The following MTHFD1L variants were observed in gnomAD, a reference collection of about 807,000 sequenced individuals.
MTHFD1L encodes the protein methylenetetrahydrofolate dehydrogenase (NADP+ dependent) 1 like, also known as monofunctional C1-tetrahydrofolate synthase, mitochondrial.
A neutral mutation model predicts 119.5 loss-of-function variants in MTHFD1L; 81 were observed. The observed-to-expected ratio is 0.68, with a 90% confidence interval of 0.57 to 0.82. The LOEUF (loss-of-function observed/expected upper bound fraction) is 0.82, where lower values mean the gene tolerates loss of function less well. Ranked by LOEUF, MTHFD1L falls within the 40% of genes least tolerant of loss-of-function variation. The pLI, the probability that MTHFD1L is intolerant of heterozygous loss-of-function variation, is 0.00. For missense variants in MTHFD1L, 1,125 were observed against 1,253.4 expected, an observed-to-expected ratio of 0.90 and a Z score of 1.55; for synonymous variants, 430 against 475.2, an observed-to-expected ratio of 0.90 and a Z score of 1.24.
chr6:150,869,759 C>T (rs1779084709), intron 1 of MTHFD1L, among the ~76,000 whole-genome samples: 1 of 152,126 alleles, frequency 6.6e-6, no homozygotes, highest in Admixed American at 6.5e-5. Context: ...TGTGTGTCAG[C>T]TAGAAGTCAC....
intron 18 of MTHFD1L, among the ~76,000 whole-genome samples, chr6:150,964,599 C>A (rs936830862): frequency 2.0e-5 from 3 of 152,150 alleles, no homozygotes; most frequent in Non-Finnish European, 4.4e-5. Flanking sequence ...CACCTTATTT[C>A]TTTGAGCAAG....
At chr6:151,093,078 G>C (rs1794593624) in intron 27 of MTHFD1L, among the ~76,000 whole-genome samples, 1 of 152,162 alleles carries the variant, frequency 6.6e-6, no homozygotes, top group South Asian at 2.1e-4. Context: ...TAAAACAGTG[G>C]AAAGTTTGAA....
At chr6:150,885,261 A>G (rs1416599612) in intron 5 of MTHFD1L, among the ~76,000 whole-genome samples, 3 of 145,880 alleles carry the variant, frequency 2.1e-5, no homozygotes, top group Non-Finnish European at 3.0e-5. Context: ...CAGTGGCATG[A>G]TCTCAACTCA....
chr6:150,986,410 G>A (rs1361172213), intron 20 of MTHFD1L, among the ~76,000 whole-genome samples: 2 of 152,186 alleles, frequency 1.3e-5, no homozygotes, highest in Non-Finnish European at 2.9e-5. Flanking sequence ...CTGTATGTAT[G>A]TGCTGTGTTC....
chr6:151,098,694 T>C (rs1160190129), intron 27 of MTHFD1L, among the ~76,000 whole-genome samples: 1 of 152,230 alleles, frequency 6.6e-6, no homozygotes, highest in Non-Finnish European at 1.5e-5. Context: ...CAGAATAGAC[T>C]GTTTTGTATA....
At chr6:150,873,411 GT>G (rs372301137) in intron 1 of MTHFD1L, among the ~76,000 whole-genome samples, 33 of 152,244 alleles carry the variant, frequency 2.2e-4, no homozygotes, top group African/African-American at 7.2e-4. Flanking sequence ...AATGTTTTTA[GT>G]GTTTAAGGGT....
At chr6:151,095,926 TTTG>T (rs1195661031) in intron 27 of MTHFD1L, among the ~76,000 whole-genome samples, 1 of 152,242 alleles carries the variant, frequency 6.6e-6, no homozygotes, top group South Asian at 2.1e-4. Flanking sequence ...GGGTAGTATT[TTTG>T]TTGAAGAGCT....
rs869169480 is a variant in MTHFD1L at position 150,920,939 on chromosome 6, A to ATTTTTTTTTTT, written c.985-1247_985-1237dup. Among the ~76,000 whole-genome samples, 5 of 96,874 alleles carry ATTTTTTTTTTT rather than the reference A, an allele frequency of 5.2e-5. 2 individuals carry two copies. The highest frequency in any genetic ancestry group is 1.6e-4 in the African/African-American group (4 of 24,678). The allele number at this position is 96,874 out of a possible 152,430, so 63.6% of individuals were successfully genotyped here. A position where few individuals can be genotyped will look rare whatever the true frequency, so the allele number is the denominator to read the frequency against. ...AGGCACATGCCACCACACCCAGATAATTTTTTTTTTTTTTTTTTTTTTTTT... is the reference window on the plus strand; with the variant it reads ...AGGCACATGCCACCACACCCAGATAATTTTTTTTTTTTTTTTTTTTTTTTTTTTTTTTTTTT... On this transcript the variant is annotated intron_variant, in intron 9 of 27. Transcript: ENST00000367321.
intron 20 of MTHFD1L, among the ~76,000 whole-genome samples, chr6:150,981,163 A>G (rs1583935018): frequency 6.6e-6 from 1 of 152,270 alleles, no homozygotes; most frequent in East Asian, 1.9e-4. Flanking sequence ...CTTGTCAGGC[A>G]CCAGACAACT....
At chr6:151,079,861 T>C (rs370228184) in intron 26 of MTHFD1L, among the ~76,000 whole-genome samples, 4 of 151,268 alleles carry the variant, frequency 2.6e-5, no homozygotes, top group African/African-American at 9.7e-5. Context: ...TGATTTACTT[T>C]GGTAAAAATT....
intron 20 of MTHFD1L, among the ~76,000 whole-genome samples, chr6:151,001,758 G>T (rs1780654721): frequency 6.6e-6 from 1 of 152,096 alleles, no homozygotes; most frequent in African/African-American, 2.4e-5. Flanking sequence ...AGGTGGAAGT[G>T]GTCCCTGGAG....
At chr6:151,085,306 G>A (rs1328384860) in intron 26 of MTHFD1L, among the ~76,000 whole-genome samples, 1 of 152,062 alleles carries the variant, frequency 6.6e-6, no homozygotes, top group Non-Finnish European at 1.5e-5. Context: ...TACTTGTTCA[G>A]TCATTCAAGG....
intron 8 of MTHFD1L, among the ~76,000 whole-genome samples, chr6:150,911,866 A>G (rs1329786634): frequency 1.3e-5 from 2 of 152,154 alleles, no homozygotes; most frequent in African/African-American, 2.4e-5. Flanking sequence ...CATGAGACGT[A>G]TTTACTACCA....
At chr6:150,941,844 A>G (rs1181490599) in intron 13 of MTHFD1L, among the ~76,000 whole-genome samples, 2 of 152,194 alleles carry the variant, frequency 1.3e-5, no homozygotes, top group Non-Finnish European at 2.9e-5. Flanking sequence ...AGACGGCTGG[A>G]AAGAAAAACT....
At chr6:150,987,880 A>T (rs1778525448) in intron 20 of MTHFD1L, among the ~76,000 whole-genome samples, 1 of 152,248 alleles carries the variant, frequency 6.6e-6, no homozygotes, top group South Asian at 2.1e-4. Flanking sequence ...TTGAAGCAGC[A>T]ATTAAATAAA....
intron 19 of MTHFD1L, among the ~76,000 whole-genome samples, chr6:150,968,306 T>C (rs558936): frequency 0.78 from 118,806 of 152,028 alleles, 46,660 homozygotes; most frequent in East Asian, 0.92. Flanking sequence ...CTATTAGAGG[T>C]TCAGTAAAGA....
chr6:150,899,831 G>A (rs1784826418), intron 7 of MTHFD1L, among the ~76,000 whole-genome samples: 1 of 151,876 alleles, frequency 6.6e-6, no homozygotes, highest in African/African-American at 2.4e-5. Flanking sequence ...AATTAGCTGG[G>A]TGTGGTGGCA....
chr6:150,877,924 A>G (rs1412305430), intron 4 of MTHFD1L, 98 bp downstream of exon 4: 6 of 1,437,746 alleles, frequency 4.2e-6, no homozygotes, highest in Non-Finnish European at 5.9e-6. Flanking sequence ...CAGATCTAAG[A>G]TTTGCTTGTG....
At chr6:151,032,509 C>T (rs1336521344) in intron 24 of MTHFD1L, among the ~76,000 whole-genome samples, 1 of 152,182 alleles carries the variant, frequency 6.6e-6, no homozygotes, top group Non-Finnish European at 1.5e-5. Flanking sequence ...CCTGGCCCCA[C>T]CTCCAACATT....
Sources: allele counts gnomAD v4.1 joint callset (sites outside exome capture counted in the v4.1 genomes callset), GRCh38; gene constraint gnomAD v4.1.1; transcripts MANE v1.5; gene names NCBI Gene and HGNC (gene_info 2026-07-23, HGNC 2026-07-21).